The following PLXNC1 variants were observed in gnomAD, a reference collection of about 807,000 sequenced individuals.
PLXNC1 encodes plexin-C1.
In PLXNC1, 75 loss-of-function variants were observed where a neutral mutation model predicts 178.2. The observed-to-expected ratio is 0.42, with a 90% CI of 0.35 to 0.51. The LOEUF is 0.51. PLXNC1 is among the 20% of genes least tolerant of loss of function. The pLI, the probability that PLXNC1 is intolerant of heterozygous loss-of-function variation, is 0.02. For missense variants in PLXNC1, 1,503 were observed against 1,984.4 expected, an observed-to-expected ratio of 0.76 and a Z score of 4.61; for synonymous variants, 790 against 779.9, an observed-to-expected ratio of 1.01 and a Z score of -0.22.
At chr12:94,227,536 A>T (rs919573983) in intron 9 of PLXNC1, 3 of 266,958 alleles carry the variant, frequency 1.1e-5, no homozygotes, top group Non-Finnish European at 2.2e-5. Context: ...GAAGTTTAGC[A>T]TTCCATCTGA....
At chr12:94,216,485 A>C (rs1464928786) in intron 5 of PLXNC1, among the ~76,000 whole-genome samples, 1 of 152,210 alleles carries the variant, frequency 6.6e-6, no homozygotes, top group African/African-American at 2.4e-5. Flanking sequence ...TTTTCAAATA[A>C]ATACAAATTA....
chr12:94,162,741 G>T (rs918446164), intron 1 of PLXNC1, among the ~76,000 whole-genome samples: 2 of 152,114 alleles, frequency 1.3e-5, no homozygotes, highest in African/African-American at 2.4e-5. Flanking sequence ...AGAGTTGAGG[G>T]TGATTAGTGG....
intron 4 of PLXNC1, among the ~76,000 whole-genome samples, chr12:94,203,507 T>C (rs1259211086): frequency 6.6e-6 from 1 of 152,238 alleles, no homozygotes; most frequent in East Asian, 1.9e-4. Context: ...TATTTTCCTA[T>C]ATGTTCATGT....
Position 94,275,727 on chromosome 12 carries a change from C to T in PLXNC1, c.3598-3745C>T, listed in dbSNP as rs912513404. On this transcript the variant is annotated intron_variant, in intron 21 of 30. Coordinates refer to ENST00000258526, the MANE Select transcript of PLXNC1 (RefSeq NM_005761.3). ...AAAATTAGCCGGGCGTAGTGGCGGG[C>T]GCCTGTAGTCCCAGCTACTTGGGAG... is the stretch of plus-strand genomic sequence containing the variant. Among the ~76,000 whole-genome samples the T allele has an allele frequency of 7.0e-5, 9 of 128,114 alleles. 1 individual carries two copies. The highest frequency in any genetic ancestry group is 1.2e-4 in the Non-Finnish European group (7 of 60,848). 84.0% of individuals were successfully genotyped at this position (128,114 alleles called of 152,430 possible). A position where few individuals can be genotyped will look rare whatever the true frequency, so the allele number is the denominator to read the frequency against.
intron 17 of PLXNC1, among the ~76,000 whole-genome samples, chr12:94,258,135 AAAAC>A (rs1565834843): frequency 6.6e-6 from 1 of 152,210 alleles, no homozygotes; most frequent in East Asian, 1.9e-4. Context: ...TCAAAAAAAC[AAAAC>A]AAACAAAAAA....
intron 28 of PLXNC1, among the ~76,000 whole-genome samples, chr12:94,302,251 G>A (rs888471958): frequency 6.6e-6 from 1 of 152,154 alleles, no homozygotes; most frequent in East Asian, 1.9e-4. Flanking sequence ...TACCCACTGT[G>A]CTACAGCTTT....
In PLXNC1 at chr12:94,259,735, G is replaced by A; in HGVS notation, c.3251+1G>A. 6.3e-7 allele frequency: 1 copy of A among 1,595,426 alleles called. No individual in the cohort carries two copies. Among genetic ancestry groups the A allele is most frequent in the Non-Finnish European group, 8.5e-7 (1 of 1,174,106 alleles). ...AGAAGAACTTTTCTGTGAAGGACAG[G>A]TATTAGTCCATTCTTTGATGTTTTA... On this transcript the variant is annotated splice_donor_variant, in intron 19 of 30. Transcript: ENST00000258526. LOFTEE classifies it high-confidence loss of function.
chr12:94,242,279 G>A (rs1166065212), intron 11 of PLXNC1, among the ~76,000 whole-genome samples: 2 of 141,656 alleles, frequency 1.4e-5, no homozygotes, highest in Non-Finnish European at 3.1e-5. Flanking sequence ...TCTTCCCTCT[G>A]TATCTCTGTC....
chr12:94,194,034 C>G (rs1427164812), intron 4 of PLXNC1, among the ~76,000 whole-genome samples: 1 of 152,120 alleles, frequency 6.6e-6, no homozygotes, highest in Admixed American at 6.6e-5. Context: ...AAGCACGATA[C>G]TGGCATCTGC....
At chr12:94,210,266 G>A (rs535560443) in intron 5 of PLXNC1, among the ~76,000 whole-genome samples, 1 of 152,318 alleles carries the variant, frequency 6.6e-6, no homozygotes, top group African/African-American at 2.4e-5. Flanking sequence ...TGCTATGGCA[G>A]CACCACTCTT....
At chr12:94,215,825 T>C (rs1963631033) in intron 5 of PLXNC1, among the ~76,000 whole-genome samples, 1 of 152,158 alleles carries the variant, frequency 6.6e-6, no homozygotes, top group South Asian at 2.1e-4. Flanking sequence ...AAGAAATTGA[T>C]ATGTAAAGCA....
At chr12:94,233,537 C>G (rs1964165867) in intron 9 of PLXNC1, among the ~76,000 whole-genome samples, 1 of 152,210 alleles carries the variant, frequency 6.6e-6, no homozygotes, top group African/African-American at 2.4e-5. Context: ...GAGTCTTGAT[C>G]TCTTCGCACA....
rs1005320315 is a variant in PLXNC1 at position 94,306,083 on chromosome 12, C to T, written c.*798C>T. 3 of 151,902 alleles carry T rather than the reference C, an allele frequency of 2.0e-5. No individual in the cohort carries two copies. The highest frequency in any genetic ancestry group is 6.6e-5 in the Admixed American group (1 of 15,256). 9.4% of individuals were successfully genotyped at this position (151,902 alleles called of 1,614,324 possible). A position where few individuals can be genotyped will look rare whatever the true frequency, so the allele number is the denominator to read the frequency against. ...GATAGTGGACATGTTGGATATTATACAAAAAAATCATTAATTCATTTCTGT... is the reference window on the plus strand; with the variant it reads ...GATAGTGGACATGTTGGATATTATATAAAAAAATCATTAATTCATTTCTGT... On this transcript the variant is annotated 3_prime_UTR_variant, in exon 31 of 31. Transcript: ENST00000258526.
At chr12:94,160,449 C>A (rs1407001712) in intron 1 of PLXNC1, among the ~76,000 whole-genome samples, 1 of 152,220 alleles carries the variant, frequency 6.6e-6, no homozygotes, top group Non-Finnish European at 1.5e-5. Flanking sequence ...GATTCCTTGT[C>A]ATCCCCTGTC....
intron 5 of PLXNC1, among the ~76,000 whole-genome samples, chr12:94,215,674 T>C (rs73364682): frequency 0.02 from 3,073 of 152,060 alleles, 116 homozygotes; most frequent in African/African-American, 0.071. Flanking sequence ...CAGAAATAGA[T>C]GTAAAAATTT....
At chr12:94,189,784 A>G (rs73364629) in intron 4 of PLXNC1, among the ~76,000 whole-genome samples, 1,965 of 152,274 alleles carry the variant, frequency 0.013, 36 homozygotes, top group African/African-American at 0.045. Flanking sequence ...TGGCAATGAC[A>G]GGGTCTGCCA....
At chr12:94,165,333 AG>A (rs1171134614) in intron 1 of PLXNC1, among the ~76,000 whole-genome samples, 1 of 152,200 alleles carries the variant, frequency 6.6e-6, no homozygotes, top group East Asian at 1.9e-4. Flanking sequence ...AGCCATTCAA[AG>A]GGTTCCTTTT....
chr12:94,156,092 T>C (rs1422573966), intron 1 of PLXNC1, among the ~76,000 whole-genome samples: 1 of 152,232 alleles, frequency 6.6e-6, no homozygotes, highest in Non-Finnish European at 1.5e-5. Context: ...CCTCAGTTTC[T>C]TATCTATAAA....
intron 30 of PLXNC1, chr12:94,304,444 A>G (rs1002906975): frequency 6.2e-6 from 1 of 161,586 alleles, no homozygotes; most frequent in Non-Finnish European, 1.3e-5. Flanking sequence ...TGAAATTATG[A>G]CATATTTCTA....
Sources: allele counts gnomAD v4.1 joint callset (sites outside exome capture counted in the v4.1 genomes callset), GRCh38; gene constraint gnomAD v4.1.1; transcripts MANE v1.5; gene names NCBI Gene and HGNC (gene_info 2026-07-23, HGNC 2026-07-21).